The following TJP1 variants were observed in gnomAD, a reference collection of about 807,000 sequenced individuals.
TJP1 encodes the protein tight junction protein 1, also known as tight junction protein ZO-1.
A neutral mutation model predicts 194.2 loss-of-function variants in TJP1; 43 were observed. The observed-to-expected ratio is 0.22, with a 90% CI of 0.17 to 0.29. The LOEUF is 0.29. TJP1 is among the 10% of genes least tolerant of loss of function. The pLI is 1.00. For synonymous variants in TJP1, 801 were observed against 779.0 expected, an observed-to-expected ratio of 1.03 and a Z score of -0.47; for missense variants, 1,971 against 2,185.7, an observed-to-expected ratio of 0.90 and a Z score of 1.96.
intron 24 of TJP1, 118 bp from the exon 25 acceptor site, chr15:29,709,154 G>A (rs959500930): frequency 2.1e-6 from 2 of 943,924 alleles, no homozygotes; most frequent in African/African-American, 1.7e-5. Context: ...CACAGCCAGA[G>A]CCTGACTCTT....
intron 2 of TJP1, among the ~76,000 whole-genome samples, chr15:29,897,508 G>T (rs1467793057): frequency 6.6e-6 from 1 of 152,222 alleles, no homozygotes; most frequent in Non-Finnish European, 1.5e-5. Context: ...CCCTACTGGG[G>T]CACTGCCTAG....
At chr15:29,777,630 A>C (rs1466738757) in intron 2 of TJP1, among the ~76,000 whole-genome samples, 1 of 152,222 alleles carries the variant, frequency 6.6e-6, no homozygotes, top group Non-Finnish European at 1.5e-5. Flanking sequence ...AGGCTATAGC[A>C]AACAGTCTAC....
intron 2 of TJP1, among the ~76,000 whole-genome samples, chr15:29,840,641 C>G (rs1203101768): frequency 6.6e-6 from 1 of 152,146 alleles, no homozygotes; most frequent in African/African-American, 2.4e-5. Flanking sequence ...CTCCTGAGGC[C>G]AGGCAGCCTC....
intron 2 of TJP1, among the ~76,000 whole-genome samples, chr15:29,954,748 T>C (rs2055874957): frequency 6.6e-6 from 1 of 152,098 alleles, no homozygotes; most frequent in South Asian, 2.1e-4. Context: ...TAAAAATACA[T>C]GTAAAATAAA....
intron 24 of TJP1, among the ~76,000 whole-genome samples, chr15:29,709,349 A>G (rs2042101118): frequency 6.6e-6 from 1 of 152,224 alleles, no homozygotes; most frequent in Admixed American, 6.5e-5. Context: ...GATACTCACT[A>G]TTAATTAGAA....
chr15:29,732,022 G>C (rs927239069), intron 15 of TJP1: 6 of 178,604 alleles, frequency 3.4e-5, no homozygotes, highest in Non-Finnish European at 3.5e-5. Context: ...AGAAAGGGCT[G>C]TGGTCAAAGC....
chr15:29,774,642 T>C (rs1452172463), intron 2 of TJP1, among the ~76,000 whole-genome samples: 3 of 152,054 alleles, frequency 2.0e-5, no homozygotes, highest in Admixed American at 2.0e-4. Flanking sequence ...TGTTTTTTTT[T>C]TCCCCAGTAA....
intron 1 of TJP1, among the ~76,000 whole-genome samples, chr15:29,802,449 A>C (rs1024329068): frequency 5.9e-5 from 9 of 152,146 alleles, no homozygotes; most frequent in African/African-American, 2.2e-4. Context: ...GGAGAGAGAA[A>C]GGATCTCTCT....
At chr15:29,811,853 GT>G (rs2049535693) in intron 1 of TJP1, among the ~76,000 whole-genome samples, 1 of 118,756 alleles carries the variant, frequency 8.4e-6, no homozygotes, top group African/African-American at 2.9e-5. Context: ...GCTGATCTCT[GT>G]CCAAAATGAA....
At chr15:29,781,520 A>C (rs2047369817) in intron 2 of TJP1, among the ~76,000 whole-genome samples, 1 of 152,124 alleles carries the variant, frequency 6.6e-6, no homozygotes, top group Admixed American at 6.5e-5. Flanking sequence ...AAAAAACAAA[A>C]CTTCAGGCAA....
At chr15:29,877,001 C>T (rs1001739742) in intron 2 of TJP1, among the ~76,000 whole-genome samples, 1 of 152,216 alleles carries the variant, frequency 6.6e-6, no homozygotes, top group African/African-American at 2.4e-5. Flanking sequence ...TCAGGGTTGA[C>T]TCAGTTTCTC....
chr15:29,968,457 A>G, intron 1 of TJP1: 1 of 966,978 alleles, frequency 1.0e-6, no homozygotes, highest in Non-Finnish European at 1.2e-6. Flanking sequence ...GAAACCAGTC[A>G]GCGGGCACGC....
Position 29,734,258 on chromosome 15 carries a change from T to A in TJP1, c.1516+16A>T. On this transcript the variant is annotated intron_variant, in intron 12 of 27. Coordinates refer to ENST00000614355, the MANE Select transcript of TJP1 (RefSeq NM_001330239.4). ...CTCTACAGGTTTATCTCCTCCATTT[T>A]CTGACAGCATCTCACCATCCTTCTT... is the stretch of plus-strand genomic sequence containing the variant. The A allele has an allele frequency of 6.4e-7, 1 of 1,557,982 alleles. No homozygotes were observed. The highest frequency in any genetic ancestry group is 8.7e-7 in the Non-Finnish European group (1 of 1,143,038).
intron 2 of TJP1, among the ~76,000 whole-genome samples, chr15:29,832,390 C>T (rs1274745621): frequency 6.6e-6 from 1 of 152,188 alleles, no homozygotes; most frequent in African/African-American, 2.4e-5. Context: ...GCAGAGTCAG[C>T]CCAGGCAAGT....
intron 2 of TJP1, among the ~76,000 whole-genome samples, chr15:29,895,067 G>A (rs2053434916): frequency 6.6e-6 from 1 of 152,186 alleles, no homozygotes; most frequent in Non-Finnish European, 1.5e-5. Flanking sequence ...GCCTTGTGAT[G>A]ACAGTGGTAG....
intron 2 of TJP1, among the ~76,000 whole-genome samples, chr15:29,930,617 TATCATACTTACTGATGAGACATTAGA>T (rs1325085886): frequency 0.048 from 4,535 of 93,764 alleles, 202 homozygotes; most frequent in African/African-American, 0.15. Flanking sequence ...ATACAGCAAA[TATCATACTTACTGATGAGACATTAGA>T]AGCAGTCCCT....
chr15:29,804,029 T>TAA (rs1158327795), intron 1 of TJP1, among the ~76,000 whole-genome samples: 1 of 142,400 alleles, frequency 7.0e-6, no homozygotes, highest in Non-Finnish European at 1.5e-5. Context: ...TCCTTATCTT[T>TAA]AAAAAAAAAA....
intron 1 of TJP1, among the ~76,000 whole-genome samples, chr15:29,814,602 GA>G (rs2049773303): frequency 6.6e-6 from 1 of 152,180 alleles, no homozygotes; most frequent in South Asian, 2.1e-4. Context: ...GAAGAAAAAT[GA>G]ACTTTTCAGT....
At chr15:29,929,462 C>A (rs1251621294) in intron 2 of TJP1, among the ~76,000 whole-genome samples, 2 of 151,986 alleles carry the variant, frequency 1.3e-5, no homozygotes, top group Non-Finnish European at 2.9e-5. Flanking sequence ...TTTGGGAGGC[C>A]GGGGGAAGTG....
Sources: allele counts gnomAD v4.1 joint callset (sites outside exome capture counted in the v4.1 genomes callset), GRCh38; gene constraint gnomAD v4.1.1; transcripts MANE v1.5; gene names NCBI Gene and HGNC (gene_info 2026-07-23, HGNC 2026-07-21).